The following FMN1 variants were observed in gnomAD, a reference collection of about 807,000 sequenced individuals.
The protein encoded by FMN1 is formin 1.
Under a neutral mutation model 132.4 loss-of-function variants are expected in FMN1, and 110 were observed. The ratio of observed to expected loss-of-function variants is 0.83; its 90% CI spans 0.71 to 0.97. FMN1 has a LOEUF of 0.97. Among genes scored for constraint, FMN1 ranks in the 50% least tolerant of loss-of-function variants. The pLI, the probability that FMN1 is intolerant of heterozygous loss-of-function variation, is 0.00. For missense variants in FMN1, 1,792 were observed against 1,705.3 expected, an observed-to-expected ratio of 1.05 and a Z score of -0.90; for synonymous variants, 722 against 651.7, an observed-to-expected ratio of 1.11 and a Z score of -1.64.
At chr15:32,874,802 T>C (rs577604616) in intron 16 of FMN1, among the ~76,000 whole-genome samples, 3 of 152,148 alleles carry the variant, frequency 2.0e-5, no homozygotes, top group African/African-American at 7.2e-5. Flanking sequence ...ACAAATTAAT[T>C]GATTGAAAAG....
chr15:32,784,087 C>T (rs1446380478), intron 19 of FMN1, among the ~76,000 whole-genome samples: 1 of 152,048 alleles, frequency 6.6e-6, no homozygotes, highest in Non-Finnish European at 1.5e-5. Flanking sequence ...ATTGAGCACA[C>T]CAGCCAATCA....
intron 4 of FMN1, among the ~76,000 whole-genome samples, chr15:33,108,959 C>G (rs1287635026): frequency 6.6e-6 from 1 of 152,078 alleles, no homozygotes; most frequent in African/African-American, 2.4e-5. Flanking sequence ...AATCAGTTAC[C>G]AGGACAGAGA....
At chr15:33,175,633 G>T (rs1023990215) in intron 3 of FMN1, among the ~76,000 whole-genome samples, 1 of 152,114 alleles carries the variant, frequency 6.6e-6, no homozygotes, top group Non-Finnish European at 1.5e-5. Context: ...CACAGTGTGG[G>T]CTATATATTT....
intron 7 of FMN1, among the ~76,000 whole-genome samples, chr15:32,998,032 C>A (rs1391014869): frequency 6.6e-6 from 1 of 152,150 alleles, no homozygotes; most frequent in Non-Finnish European, 1.5e-5. Flanking sequence ...AGGCTCCAGG[C>A]AATCAACATA....
At chr15:32,801,098 G>T (rs1017244564) in intron 18 of FMN1, among the ~76,000 whole-genome samples, 2 of 152,150 alleles carry the variant, frequency 1.3e-5, no homozygotes, top group African/African-American at 4.8e-5. Flanking sequence ...CTGGAGTCTA[G>T]ATTGTGAGAT....
At chr15:32,940,354 AC>A (rs1290980923) in intron 9 of FMN1, among the ~76,000 whole-genome samples, 21 of 151,932 alleles carry the variant, frequency 1.4e-4, no homozygotes, top group African/African-American at 5.1e-4. Context: ...TCCTCACAAT[AC>A]GCAAATTCCC....
chr15:32,850,885 T>G (rs1371790874), intron 17 of FMN1, among the ~76,000 whole-genome samples: 1 of 152,138 alleles, frequency 6.6e-6, no homozygotes, highest in African/African-American at 2.4e-5. Flanking sequence ...CTAAAACAAT[T>G]TTTGATATTA....
chr15:32,925,637 T>C (rs1207364691), intron 10 of FMN1, among the ~76,000 whole-genome samples: 1 of 152,214 alleles, frequency 6.6e-6, no homozygotes, highest in African/African-American at 2.4e-5. Context: ...AAACTAACTA[T>C]AAATGAATGG....
intron 9 of FMN1, 46 bp from the exon 10 acceptor site, chr15:32,926,307 T>C (rs1300560738): frequency 2.6e-6 from 3 of 1,132,446 alleles, no homozygotes; most frequent in Admixed American, 2.8e-5. Context: ...CAAATGACCA[T>C]GCAGTCTTTC....
chr15:33,017,882 T>C (rs963008006), intron 6 of FMN1, among the ~76,000 whole-genome samples: 21 of 152,100 alleles, frequency 1.4e-4, no homozygotes, highest in Admixed American at 1.0e-3. Flanking sequence ...CTGGCCAACA[T>C]GGCAAAACCT....
chr15:33,070,583 A>G (rs1178320804), intron 5 of FMN1, among the ~76,000 whole-genome samples: 1 of 152,094 alleles, frequency 6.6e-6, no homozygotes, highest in African/African-American at 2.4e-5. Context: ...ATACTCATAG[A>G]TGCCAACACA....
intron 2 of FMN1, among the ~76,000 whole-genome samples, chr15:33,180,813 G>T (rs1965672583): frequency 1.5e-5 from 2 of 136,490 alleles, no homozygotes; most frequent in Non-Finnish European, 3.1e-5. Flanking sequence ...GCAGTGGTAT[G>T]ATCACGGCTC....
At chr15:33,136,647 C>G (rs538290345) in intron 4 of FMN1, among the ~76,000 whole-genome samples, 1 of 152,298 alleles carries the variant, frequency 6.6e-6, no homozygotes, top group South Asian at 2.1e-4. Context: ...TAAATTTGTG[C>G]TGGTCAATAT....
chr15:33,058,059 GT>G (rs1311649868), intron 6 of FMN1, among the ~76,000 whole-genome samples: 9 of 148,830 alleles, frequency 6.0e-5, no homozygotes, highest in East Asian at 1.9e-4. Context: ...GAAAGGTGTG[GT>G]GGGGCTGGTG....
intron 9 of FMN1, among the ~76,000 whole-genome samples, chr15:32,955,295 G>C (rs1053678774): frequency 6.6e-6 from 1 of 152,216 alleles, no homozygotes; most frequent in Non-Finnish European, 1.5e-5. Context: ...GCATGTGCCT[G>C]TGAGGGCATG....
Position 33,068,632 on chromosome 15 carries a change from T to TTTTC in FMN1, c.2044-3559_2044-3558insGAAA, listed in dbSNP as rs984988149. Among the ~76,000 whole-genome samples the TTTTC allele has an allele frequency of 1.4e-3, 206 of 152,072 alleles. 1 individual carries two copies. Among genetic ancestry groups the TTTTC allele is most frequent in the African/African-American group, 4.4e-3 (182 of 41,494 alleles). Reference sequence around the variant, plus strand: ...CAGTTAATTTACTGCCCTTGAAGCTTTTTTTAAGTGCTTTCTTCCGCTTCC... The same window carrying TTTTC: ...CAGTTAATTTACTGCCCTTGAAGCTTTTTCTTTTTAAGTGCTTTCTTCCGCTTCC... On this transcript the variant is annotated intron_variant, in intron 5 of 20. Coordinates refer to ENST00000616417, the MANE Select transcript of FMN1 (RefSeq NM_001277313.2).
chr15:33,139,532 A>G (rs1021138325), intron 4 of FMN1, among the ~76,000 whole-genome samples: 1 of 152,246 alleles, frequency 6.6e-6, no homozygotes, highest in Non-Finnish European at 1.5e-5. Flanking sequence ...TGGAGGTTGC[A>G]GTGAGCTGAG....
intron 19 of FMN1, among the ~76,000 whole-genome samples, chr15:32,784,815 T>C (rs2056796146): frequency 6.6e-6 from 1 of 152,208 alleles, no homozygotes. Context: ...TTGCCTCACA[T>C]TTCATTATGA....
chr15:32,875,335 A>T (rs959266130), intron 16 of FMN1, among the ~76,000 whole-genome samples: 1 of 151,800 alleles, frequency 6.6e-6, no homozygotes. Flanking sequence ...CATCTACAGG[A>T]AAGTTCTAGA....
Sources: allele counts gnomAD v4.1 joint callset (sites outside exome capture counted in the v4.1 genomes callset), GRCh38; gene constraint gnomAD v4.1.1; transcripts MANE v1.5; gene names NCBI Gene and HGNC (gene_info 2026-07-23, HGNC 2026-07-21).